Variants in TBC1D32 observed in about 807,000 individuals in gnomAD.
TBC1D32 encodes the protein protein broad-minded.
In TBC1D32, 151 loss-of-function variants were observed where a neutral mutation model predicts 170.3. The ratio of observed to expected loss-of-function variants is 0.89; its 90% CI spans 0.78 to 1.01. TBC1D32 has a LOEUF of 1.01. Among genes scored for constraint, TBC1D32 ranks in the 50% least tolerant of loss-of-function variants. The pLI is 0.00. For missense variants in TBC1D32, 1,464 were observed against 1,457.1 expected, an observed-to-expected ratio of 1.00 and a Z score of -0.08; for synonymous variants, 498 against 488.0, an observed-to-expected ratio of 1.02 and a Z score of -0.27.
chr6:121,326,667 G>C (rs1261172372), intron 1 of TBC1D32, among the ~76,000 whole-genome samples: 3 of 152,010 alleles, frequency 2.0e-5, no homozygotes, highest in Non-Finnish European at 4.4e-5. Flanking sequence ...CATTCAAAAT[G>C]CTTCCAGGTT....
intron 1 of TBC1D32, among the ~76,000 whole-genome samples, chr6:121,332,357 C>A (rs1465051065): frequency 2.0e-5 from 3 of 151,764 alleles, no homozygotes; most frequent in Non-Finnish European, 2.9e-5. Context: ...GTCTATATAA[C>A]GAGGAGAAAA....
chr6:121,292,217 T>C (rs990674763), intron 11 of TBC1D32, 24 bp from the exon 12 acceptor site: 3 of 1,566,126 alleles, frequency 1.9e-6, no homozygotes, highest in East Asian at 2.3e-5. Context: ...CAAACACGAA[T>C]ATTTATTTAG....
chr6:121,238,651 T>C (rs566493990), intron 20 of TBC1D32, among the ~76,000 whole-genome samples: 5 of 152,310 alleles, frequency 3.3e-5, no homozygotes, highest in African/African-American at 1.2e-4. Flanking sequence ...ATCTTCTCTC[T>C]GTCTGTACTT....
At chr6:121,256,016 A>C in intron 16 of TBC1D32, 68 bp downstream of exon 16, 1 of 1,345,330 alleles carries the variant, frequency 7.4e-7, no homozygotes, top group Non-Finnish European at 1.0e-6. Flanking sequence ...AAAGTACAAC[A>C]CTATAATGGT....
chr6:121,089,555 C>T (rs556182371), intron 31 of TBC1D32, among the ~76,000 whole-genome samples: 44 of 152,074 alleles, frequency 2.9e-4, no homozygotes, highest in Non-Finnish European at 5.6e-4. Flanking sequence ...AGAGAGCATT[C>T]TTTTATTTTT....
intron 17 of TBC1D32, among the ~76,000 whole-genome samples, chr6:121,248,376 A>C (rs1563070649): frequency 6.6e-6 from 1 of 152,094 alleles, no homozygotes; most frequent in African/African-American, 2.4e-5. Context: ...GAAAGAGCAC[A>C]AATAGACAAC....
chr6:121,123,130 T>C (rs753519172), intron 26 of TBC1D32, among the ~76,000 whole-genome samples: 1 of 152,104 alleles, frequency 6.6e-6, no homozygotes, highest in African/African-American at 2.4e-5. Flanking sequence ...ATGGAAGAGC[T>C]TTCTATTTTT....
intron 12 of TBC1D32, among the ~76,000 whole-genome samples, chr6:121,290,694 T>C (rs1214449144): frequency 6.6e-6 from 1 of 151,996 alleles, no homozygotes; most frequent in East Asian, 1.9e-4. Context: ...TAAAGACACA[T>C]GCACACATAT....
At chr6:121,085,696 A>C (rs1240562690) in intron 31 of TBC1D32, among the ~76,000 whole-genome samples, 1 of 152,078 alleles carries the variant, frequency 6.6e-6, no homozygotes. Context: ...ATTAATTTTC[A>C]TAAGTACCCT....
At chr6:121,256,358 T>C in intron 15 of TBC1D32, 73 bp from the exon 16 acceptor site, 1 of 1,333,922 alleles carries the variant, frequency 7.5e-7, no homozygotes, top group Non-Finnish European at 1.0e-6. Flanking sequence ...CCAAAAAGGC[T>C]AGTCTTGTCA....
chr6:121,294,163 G>A (rs1233735760), intron 11 of TBC1D32, among the ~76,000 whole-genome samples: 1 of 152,070 alleles, frequency 6.6e-6, no homozygotes, highest in Admixed American at 6.6e-5. Context: ...GGATCACGGG[G>A]TGACACAGGG....
chr6:121,117,678 C>T (rs902463526), intron 26 of TBC1D32, among the ~76,000 whole-genome samples: 2 of 151,450 alleles, frequency 1.3e-5, no homozygotes, highest in African/African-American at 2.4e-5. Flanking sequence ...CTCCAGCCTG[C>T]GTGACAGAGT....
At chr6:121,159,964 A>T in intron 24 of TBC1D32, 46 bp downstream of exon 24, 1 of 1,348,116 alleles carries the variant, frequency 7.4e-7, no homozygotes, top group Non-Finnish European at 1.1e-6. Context: ...TCAAATTATA[A>T]CAAAAGCTTT....
At position 121,294,617 on chromosome 6, in the gene TBC1D32, C is replaced by T. The variant is rs754039147; in HGVS notation, c.1184G>A (p.Cys395Tyr). The change falls in exon 11 of 32, where the codon TGT (cysteine) becomes TAT (tyrosine). Residue 395 changes from cysteine to tyrosine, a missense_variant. By Grantham distance (194) the Cys-to-Tyr change is radical. Transcript: ENST00000398212. ...IQQCVQYFEM[C>Y]KTRKADETLG... ...AGTTTCATCAGCTTTCCTAGTCTTA[C>T]ACATTTCAAAGTACTGAACACACTG... 6 of 1,612,656 alleles carry T rather than the reference C, an allele frequency of 3.7e-6. No individual in the cohort carries two copies. The Admixed American group carries it at 8.4e-5, about 22-fold the overall frequency.
At chr6:121,328,475 G>A (rs1010461493) in intron 1 of TBC1D32, among the ~76,000 whole-genome samples, 1 of 151,540 alleles carries the variant, frequency 6.6e-6, no homozygotes, top group South Asian at 2.1e-4. Flanking sequence ...TAGTAGAGAC[G>A]GGGTTTCACC....
chr6:121,268,966 T>C (rs764308668), intron 15 of TBC1D32, among the ~76,000 whole-genome samples: 13 of 152,124 alleles, frequency 8.5e-5, no homozygotes, highest in Middle Eastern at 3.2e-3. Context: ...TTCAACCTTC[T>C]TGAAGAAAAG....
chr6:121,219,160 CAT>C (rs1469345308), intron 21 of TBC1D32, among the ~76,000 whole-genome samples: 2 of 152,060 alleles, frequency 1.3e-5, no homozygotes, highest in Non-Finnish European at 2.9e-5. Flanking sequence ...GAGAAAGAAA[CAT>C]AGAGACTTAA....
intron 22 of TBC1D32, chr6:121,170,531 T>C (rs573604372): frequency 2.0e-6 from 3 of 1,507,016 alleles, no homozygotes; most frequent in African/African-American, 1.4e-5. Flanking sequence ...TAATAACCTA[T>C]ATAAAAAAGA....
At chr6:121,321,909 T>A (rs1809782327) in intron 1 of TBC1D32, 115 bp from the exon 2 acceptor site, 19 of 989,606 alleles carry the variant, frequency 1.9e-5, no homozygotes, top group Non-Finnish European at 2.5e-5. Flanking sequence ...AGGATTAAAT[T>A]AGTCATTCAT....
Sources: gnomAD v4.1 joint callset for allele counts (sites outside exome capture counted in the v4.1 genomes callset) on GRCh38, gnomAD v4.1.1 for gene constraint, MANE v1.5 for transcripts, NCBI Gene and HGNC (gene_info 2026-07-23, HGNC 2026-07-21) for gene names.